The following STXBP5L variants were observed in gnomAD, a reference collection of about 807,000 sequenced individuals.
STXBP5L encodes syntaxin-binding protein 5-like.
In STXBP5L, 65 loss-of-function variants were observed where a neutral mutation model predicts 144.5. That is an observed-to-expected ratio of 0.45 (90% confidence interval 0.37 to 0.55). The LOEUF is 0.55. STXBP5L is among the 20% of genes least tolerant of loss of function. The probability of loss-of-function intolerance (pLI) is 0.00; values close to 1 mark genes in which losing one functional copy is unlikely to be tolerated. For synonymous variants in STXBP5L, 505 were observed against 469.6 expected, an observed-to-expected ratio of 1.08 and a Z score of -0.97; for missense variants, 1,298 against 1,405.5, an observed-to-expected ratio of 0.92 and a Z score of 1.22.
At chr3:121,165,847 C>T (rs2046478779) in intron 9 of STXBP5L, among the ~76,000 whole-genome samples, 1 of 152,058 alleles carries the variant, frequency 6.6e-6, no homozygotes. Flanking sequence ...ATTCTCCGGG[C>T]ACCCCTTTAT....
chr3:121,409,727 C>T (rs1270110411), intron 23 of STXBP5L, among the ~76,000 whole-genome samples: 1 of 151,888 alleles, frequency 6.6e-6, no homozygotes, highest in South Asian at 2.1e-4. Context: ...GGAACACAGC[C>T]ACACCCATGT....
chr3:120,909,498 A>C, intron 1 of STXBP5L, 73 bp from the exon 2 acceptor site: 2 of 1,306,000 alleles, frequency 1.5e-6, no homozygotes, highest in Non-Finnish European at 2.1e-6. Context: ...GAAAAGAGAA[A>C]GGCTTTTACC....
chr3:121,100,164 C>A (rs892757679), intron 5 of STXBP5L, among the ~76,000 whole-genome samples: 2 of 152,074 alleles, frequency 1.3e-5, no homozygotes, highest in Non-Finnish European at 2.9e-5. Flanking sequence ...TCTTTAAAAC[C>A]CCATTGGCAG....
intron 11 of STXBP5L, among the ~76,000 whole-genome samples, chr3:121,230,656 A>G (rs1039688683): frequency 1.3e-5 from 2 of 152,158 alleles, no homozygotes; most frequent in African/African-American, 4.8e-5. Flanking sequence ...TTATAAGCCA[A>G]TTTGGTACCA....
In STXBP5L at chr3:121,368,755, C is replaced by A. The variant is rs79975958; in HGVS notation, c.2177-9961C>A. Reference sequence around the variant, plus strand: ...CTTCTTAAGCCTTTTCTGAGCTTTTCTCTGGATATGTGTGGTCATTTTCTA... The same window carrying A: ...CTTCTTAAGCCTTTTCTGAGCTTTTATCTGGATATGTGTGGTCATTTTCTA... On this transcript the variant is annotated intron_variant, in intron 20 of 26. Coordinates refer to ENST00000471454, the MANE Select transcript of STXBP5L (RefSeq NM_001308330.2). Among the ~76,000 whole-genome samples the A allele has an allele frequency of 8.1e-4, 124 of 152,202 alleles. 1 individual carries two copies. In the East Asian group the frequency reaches 0.022, roughly 27 times the overall value.
intron 5 of STXBP5L, among the ~76,000 whole-genome samples, chr3:121,060,640 C>A (rs1388142261): frequency 6.6e-6 from 1 of 152,218 alleles, no homozygotes; most frequent in East Asian, 1.9e-4. Context: ...ATTACTGCCT[C>A]AATTTCAGAA....
intron 3 of STXBP5L, among the ~76,000 whole-genome samples, chr3:121,035,783 ATTGCT>A (rs1261681869): frequency 3.9e-5 from 6 of 152,140 alleles, no homozygotes; most frequent in Non-Finnish European, 7.3e-5. Context: ...GAATCTGTAG[ATTGCT>A]TTGGGAAGTA....
At chr3:121,307,409 T>C (rs902554643) in intron 19 of STXBP5L, among the ~76,000 whole-genome samples, 3 of 152,070 alleles carry the variant, frequency 2.0e-5, no homozygotes, top group Admixed American at 6.6e-5. Context: ...GACACTATGC[T>C]TAAAGAAGTA....
chr3:121,020,382 C>T (rs577143803), intron 3 of STXBP5L, among the ~76,000 whole-genome samples: 2 of 152,144 alleles, frequency 1.3e-5, no homozygotes, highest in Non-Finnish European at 2.9e-5. Flanking sequence ...TGCTAGAGAT[C>T]TAGACATCCA....
intron 9 of STXBP5L, among the ~76,000 whole-genome samples, chr3:121,168,009 G>T (rs535165789): frequency 6.6e-6 from 1 of 152,294 alleles, no homozygotes; most frequent in South Asian, 2.1e-4. Flanking sequence ...TCGCTGTTCT[G>T]CAGCCACCAC....
At chr3:121,062,440 C>A (rs566684584) in intron 5 of STXBP5L, among the ~76,000 whole-genome samples, 74 of 152,216 alleles carry the variant, frequency 4.9e-4, no homozygotes, top group African/African-American at 1.7e-3. Flanking sequence ...AACATTTTTT[C>A]CTTCATTTCA....
intron 5 of STXBP5L, among the ~76,000 whole-genome samples, chr3:121,066,825 T>C (rs1455259444): frequency 6.6e-6 from 1 of 152,120 alleles, no homozygotes; most frequent in Non-Finnish European, 1.5e-5. Flanking sequence ...AATTCACCAG[T>C]AAAGCAATGT....
intron 20 of STXBP5L, among the ~76,000 whole-genome samples, chr3:121,369,662 A>G (rs963112132): frequency 2.0e-5 from 3 of 152,094 alleles, no homozygotes; most frequent in Non-Finnish European, 4.4e-5. Flanking sequence ...TTCACCAGGC[A>G]ATTCACTAGA....
At position 121,139,342 on chromosome 3, in the gene STXBP5L, C is replaced by A. The variant is rs1338666622; in HGVS notation, c.670-13135C>A. 3.3e-5 allele frequency among the ~76,000 whole-genome samples: 5 copies of A among 152,032 alleles called. No homozygotes were observed. In the East Asian group the frequency reaches 9.6e-4, roughly 29 times the overall value. On this transcript the variant is annotated intron_variant, in intron 7 of 26. Transcript: ENST00000471454. ...GTTCAAATGTAAAAAAGCACTCTCT[C>A]TTATAAACATGTACAATTACTATAT...
intron 3 of STXBP5L, among the ~76,000 whole-genome samples, chr3:120,973,901 A>G (rs935053259): frequency 2.0e-5 from 3 of 152,186 alleles, no homozygotes; most frequent in African/African-American, 7.2e-5. Flanking sequence ...ATAGTATTCC[A>G]TGGTGTATAT....
chr3:120,971,141 G>T (rs1230102103), intron 3 of STXBP5L, among the ~76,000 whole-genome samples: 1 of 152,116 alleles, frequency 6.6e-6, no homozygotes, highest in Non-Finnish European at 1.5e-5. Flanking sequence ...TGGGCATTGG[G>T]AAAAATCTGG....
chr3:121,368,534 T>C (rs2045933088), intron 20 of STXBP5L, among the ~76,000 whole-genome samples: 1 of 152,116 alleles, frequency 6.6e-6, no homozygotes, highest in East Asian at 1.9e-4. Flanking sequence ...CCCTGTCTCT[T>C]TGTGTACATT....
At chr3:121,282,930 T>C (rs2051108640) in intron 19 of STXBP5L, among the ~76,000 whole-genome samples, 1 of 151,992 alleles carries the variant, frequency 6.6e-6, no homozygotes, top group African/African-American at 2.4e-5. Flanking sequence ...TATCAACCTT[T>C]ACCATGGTAT....
At chr3:121,108,680 T>C (rs1444262779) in intron 5 of STXBP5L, among the ~76,000 whole-genome samples, 1 of 152,208 alleles carries the variant, frequency 6.6e-6, no homozygotes, top group Non-Finnish European at 1.5e-5. Context: ...GTTTCTTTTT[T>C]AGTTGTATCT....
Sources: allele counts gnomAD v4.1 joint callset (sites outside exome capture counted in the v4.1 genomes callset), GRCh38; gene constraint gnomAD v4.1.1; transcripts MANE v1.5; gene names NCBI Gene and HGNC (gene_info 2026-07-23, HGNC 2026-07-21).